The following RASA3 variants were observed in gnomAD, a reference collection of about 807,000 sequenced individuals.
The protein encoded by RASA3 is ras GTPase-activating protein 3.
In RASA3, 73 loss-of-function variants were observed where a neutral mutation model predicts 110.0. The observed-to-expected ratio is 0.66, with a 90% CI of 0.55 to 0.81. The LOEUF is 0.81. RASA3 is among the 30% of genes least tolerant of loss of function. RASA3 has a pLI of 0.00. For missense variants in RASA3, 976 were observed against 1,113.2 expected, an observed-to-expected ratio of 0.88 and a Z score of 1.75; for synonymous variants, 500 against 451.4, an observed-to-expected ratio of 1.11 and a Z score of -1.37.
intron 4 of RASA3, among the ~76,000 whole-genome samples, chr13:114,034,621 C>T (rs182876975): frequency 1.3e-5 from 2 of 152,368 alleles, no homozygotes; most frequent in East Asian, 1.9e-4. Flanking sequence ...AAACCCACCC[C>T]TGGAAGGCCC....
intron 3 of RASA3, among the ~76,000 whole-genome samples, chr13:114,044,764 A>G (rs1280910296): frequency 6.6e-6 from 1 of 151,790 alleles, no homozygotes; most frequent in Non-Finnish European, 1.5e-5. Flanking sequence ...ATAAATCTTC[A>G]GACTCCAAGA....
intron 19 of RASA3, 136 bp downstream of exon 19, chr13:114,000,690 T>C: frequency 1.5e-6 from 1 of 666,444 alleles, no homozygotes; most frequent in East Asian, 2.6e-5. Context: ...CAGAGGGCTC[T>C]GGGTCACCGC....
chr13:113,980,782 G>A (rs1157566983), intron 23 of RASA3, among the ~76,000 whole-genome samples: 3 of 152,200 alleles, frequency 2.0e-5, no homozygotes, highest in African/African-American at 7.2e-5. Context: ...TCACTCTCCT[G>A]GAGCCTCACC....
intron 3 of RASA3, among the ~76,000 whole-genome samples, chr13:114,051,547 C>T (rs2079146811): frequency 6.6e-6 from 1 of 152,158 alleles, no homozygotes; most frequent in Non-Finnish European, 1.5e-5. Flanking sequence ...CAAGAGCAGC[C>T]CCACCCCTGC....
chr13:113,993,919 G>A (rs1004015626), intron 21 of RASA3, among the ~76,000 whole-genome samples: 4 of 151,808 alleles, frequency 2.6e-5, no homozygotes, highest in East Asian at 3.9e-4. Flanking sequence ...ACATTTGCAC[G>A]CAGGTGCAAC....
At chr13:114,073,614 G>C in intron 2 of RASA3, 106 bp downstream of exon 2, 1 of 934,258 alleles carries the variant, frequency 1.1e-6, no homozygotes, top group South Asian at 1.3e-5. Context: ...ACACGCTCGG[G>C]ACGTTCTCCA....
chr13:114,005,607 C>G (rs572436214), intron 18 of RASA3, among the ~76,000 whole-genome samples: 2 of 152,150 alleles, frequency 1.3e-5, no homozygotes, highest in Admixed American at 1.3e-4. Context: ...GCCCCAAGTG[C>G]GGGTGTGGAC....
At chr13:114,052,268 G>C (rs1056792584) in intron 2 of RASA3, 113 bp from the exon 3 acceptor site, 1 of 679,088 alleles carries the variant, frequency 1.5e-6, no homozygotes, top group Non-Finnish European at 2.6e-6. Flanking sequence ...GCCCTGCACT[G>C]TGTGGCACGC....
chr13:114,082,528 C>T (rs116166078), intron 1 of RASA3, among the ~76,000 whole-genome samples: 13 of 152,212 alleles, frequency 8.5e-5, no homozygotes, highest in Admixed American at 3.3e-4. Flanking sequence ...TGGACACACG[C>T]GCTTGAATGG....
At chr13:114,030,472 G>A (rs139960996) in intron 4 of RASA3, among the ~76,000 whole-genome samples, 8,347 of 81,032 alleles carry the variant, frequency 0.1, 807 homozygotes, top group African/African-American at 0.24. Flanking sequence ...AGAGGGCAAG[G>A]CTCACACAGA....
chr13:114,031,911 G>GCCTGGT (rs1215014291), intron 4 of RASA3, among the ~76,000 whole-genome samples: 1 of 152,146 alleles, frequency 6.6e-6, no homozygotes, highest in Non-Finnish European at 1.5e-5. Context: ...GCAGCACGTG[G>GCCTGGT]CCTGGTGCAG....
chr13:114,002,114 G>T (rs1254716747), intron 18 of RASA3, among the ~76,000 whole-genome samples: 1 of 152,234 alleles, frequency 6.6e-6, no homozygotes, highest in East Asian at 1.9e-4. Flanking sequence ...GAAGAAAGTG[G>T]CCAGACAGAG....
intron 15 of RASA3, 22 bp downstream of exon 15, chr13:114,013,120 G>C (rs528635874): frequency 2.5e-6 from 4 of 1,601,140 alleles, no homozygotes; most frequent in East Asian, 2.2e-5. Context: ...AGAAAGCCTC[G>C]GTCCCTCAGC....
At chr13:114,107,988 G>A (rs1170148667) in intron 1 of RASA3, among the ~76,000 whole-genome samples, 6 of 152,136 alleles carry the variant, frequency 3.9e-5, no homozygotes, top group African/African-American at 1.4e-4. Context: ...CATGGTGGGG[G>A]TGGCCCTGCC....
intron 1 of RASA3, among the ~76,000 whole-genome samples, chr13:114,117,809 T>G (rs1422228835): frequency 1.5e-5 from 2 of 137,906 alleles, no homozygotes; most frequent in South Asian, 2.4e-4. Context: ...GGGGTGCATG[T>G]GTGTGAGGGG....
At chr13:114,012,831 T>C (rs1594319491) in intron 15 of RASA3, among the ~76,000 whole-genome samples, 1 of 66,746 alleles carries the variant, frequency 1.5e-5, no homozygotes, top group African/African-American at 6.8e-5. Flanking sequence ...CCACAAACAC[T>C]CCCCATTCCA....
chr13:114,024,151 G>T, intron 8 of RASA3, 128 bp downstream of exon 8: 1 of 1,001,754 alleles, frequency 1.0e-6, no homozygotes, highest in Non-Finnish European at 1.5e-6. Context: ...ACATCCTGTT[G>T]TGAAAATTAC....
rs2079262795 is a variant in RASA3 at position 114,057,329 on chromosome 13, C to A, written c.174-5174G>T. ...TATCAACGGAGCTCTGAGCCACCAA[C>A]CACTGTGACCAAGCTTCATTCCCAC... On this transcript the variant is annotated intron_variant, in intron 2 of 23. Transcript: ENST00000334062. This position sits in a 1 kb window ranked among gnomAD's most constrained non-coding sequence, Gnocchi z 5.0. 2.0e-6 allele frequency: 2 copies of A among 985,288 alleles called. No homozygotes were observed. Among genetic ancestry groups the A allele is most frequent in the Non-Finnish European group, 2.4e-6 (2 of 829,934 alleles). The allele number at this position is 985,288 out of a possible 1,614,324, so 61.0% of individuals were successfully genotyped here. A position where few individuals can be genotyped will look rare whatever the true frequency, so the allele number is the denominator to read the frequency against.
chr13:114,040,327 G>A (rs1319854373), intron 4 of RASA3, among the ~76,000 whole-genome samples: 4 of 132,388 alleles, frequency 3.0e-5, no homozygotes, highest in African/African-American at 8.6e-5. Context: ...ACAAGCGGGC[G>A]AACACGCACA....
Sources: gnomAD v4.1 joint callset for allele counts (sites outside exome capture counted in the v4.1 genomes callset) on GRCh38, gnomAD v4.1.1 for gene constraint, Gnocchi (gnomAD v3.1) non-coding constraint, MANE v1.5 for transcripts, NCBI Gene and HGNC (gene_info 2026-07-23, HGNC 2026-07-21) for gene names.